Variants in PDE8B observed in about 807,000 individuals in gnomAD.
The protein encoded by PDE8B is phosphodiesterase 8B, also known as high affinity cAMP-specific and IBMX-insensitive 3',5'-cyclic phosphodiesterase 8B.
A neutral mutation model predicts 101.3 loss-of-function variants in PDE8B; 26 were observed. The observed-to-expected ratio is 0.26, with a 90% CI of 0.19 to 0.36. The LOEUF (loss-of-function observed/expected upper bound fraction) is 0.36, where lower values mean the gene tolerates loss of function less well. PDE8B is among the 10% of genes least tolerant of loss of function. The pLI, the probability that PDE8B is intolerant of heterozygous loss-of-function variation, is 1.00. For missense variants in PDE8B, 810 were observed against 1,163.1 expected, an observed-to-expected ratio of 0.70 and a Z score of 4.42; for synonymous variants, 424 against 429.3, an observed-to-expected ratio of 0.99 and a Z score of 0.15.
chr5:77,197,738 T>G, the PDE8B span, among the ~76,000 whole-genome samples: 1 of 152,284 alleles, frequency 6.6e-6, no homozygotes, highest in South Asian at 2.1e-4. Flanking sequence ...AGCATGTCTT[T>G]GAGTTCACTG....
chr5:77,385,489 T>C (rs1788366425), intron 10 of PDE8B, among the ~76,000 whole-genome samples: 1 of 152,008 alleles, frequency 6.6e-6, no homozygotes, highest in Non-Finnish European at 1.5e-5. Context: ...AATTCTGCTC[T>C]GATCTTAGTT....
chr5:77,160,725 A>C, the PDE8B span, among the ~76,000 whole-genome samples: 3 of 152,132 alleles, frequency 2.0e-5, no homozygotes, highest in African/African-American at 7.2e-5. Flanking sequence ...ATTATGGCTC[A>C]CTGCAGCCTC....
At chr5:77,368,820 C>T (rs1343778056) in intron 10 of PDE8B, among the ~76,000 whole-genome samples, 2 of 152,162 alleles carry the variant, frequency 1.3e-5, no homozygotes, top group African/African-American at 2.4e-5. Flanking sequence ...TTCTATTCTA[C>T]TCTTATTAAG....
chr5:77,321,754 A>G (rs1775128529), intron 2 of PDE8B, among the ~76,000 whole-genome samples: 1 of 152,188 alleles, frequency 6.6e-6, no homozygotes, highest in Non-Finnish European at 1.5e-5. Flanking sequence ...GTCTTTCTAA[A>G]TTTTTTATAA....
At chr5:77,373,336 G>C (rs1785412284) in intron 10 of PDE8B, among the ~76,000 whole-genome samples, 1 of 152,054 alleles carries the variant, frequency 6.6e-6, no homozygotes, top group Non-Finnish European at 1.5e-5. Context: ...TTTCATTGAG[G>C]AATAACTGAC....
chr5:77,217,093 G>A (rs1328600165), intron 1 of PDE8B, among the ~76,000 whole-genome samples: 1 of 152,150 alleles, frequency 6.6e-6, no homozygotes, highest in Non-Finnish European at 1.5e-5. Flanking sequence ...AGTTATCTTG[G>A]TTGGAGACCT....
intron 1 of PDE8B, among the ~76,000 whole-genome samples, chr5:77,261,931 C>T: frequency 6.6e-6 from 1 of 152,180 alleles, no homozygotes; most frequent in East Asian, 1.9e-4. Flanking sequence ...GGCCATCCCT[C>T]TGTAGGTTGC....
chr5:77,116,222 A>ATTTT, the PDE8B span, among the ~76,000 whole-genome samples: 5 of 92,792 alleles, frequency 5.4e-5, no homozygotes, highest in African/African-American at 1.5e-4. Context: ...ATATATATAT[A>ATTTT]TATTTTTTTT....
chr5:77,268,156 G>A (rs1762110164), intron 1 of PDE8B, among the ~76,000 whole-genome samples: 1 of 151,830 alleles, frequency 6.6e-6, no homozygotes, highest in South Asian at 2.1e-4. Flanking sequence ...ATTTGTTTTT[G>A]TATTCTCAGT....
At chr5:77,372,902 G>A (rs1381685286) in intron 10 of PDE8B, among the ~76,000 whole-genome samples, 4 of 152,086 alleles carry the variant, frequency 2.6e-5, no homozygotes, top group East Asian at 1.9e-4. Flanking sequence ...GCGGCGTGCC[G>A]CTATAATCCC....
the PDE8B span, among the ~76,000 whole-genome samples, chr5:77,172,374 T>G: frequency 6.6e-6 from 1 of 152,212 alleles, no homozygotes; most frequent in East Asian, 1.9e-4. Context: ...ACAGGATAAG[T>G]CAAAGTTGGG....
At chr5:77,390,891 A>G (rs1789769025) in intron 10 of PDE8B, among the ~76,000 whole-genome samples, 1 of 152,150 alleles carries the variant, frequency 6.6e-6, no homozygotes, top group African/African-American at 2.4e-5. Context: ...TAACCTCTTA[A>G]ACCTCAGCTT....
At chr5:77,404,651 CAT>C (rs1294582576) in intron 11 of PDE8B, 67 bp from the exon 12 acceptor site, 1 of 918,948 alleles carries the variant, frequency 1.1e-6, no homozygotes, top group Non-Finnish European at 1.8e-6. Context: ...AAAGAAAAAA[CAT>C]GTTTGAATCT....
chr5:77,260,112 A>T (rs1458496141), intron 1 of PDE8B, among the ~76,000 whole-genome samples: 1 of 145,872 alleles, frequency 6.9e-6, no homozygotes, highest in African/African-American at 2.5e-5. Context: ...AGCAAACATC[A>T]CGCCATTGTG....
At chr5:77,260,605 G>A (rs1373381253) in intron 1 of PDE8B, among the ~76,000 whole-genome samples, 7 of 28,290 alleles carry the variant, frequency 2.5e-4, no homozygotes, top group African/African-American at 1.0e-3. Flanking sequence ...TTTTTTTTTT[G>A]GAGACAGAGT....
the PDE8B span, among the ~76,000 whole-genome samples, chr5:77,195,197 G>GC: frequency 1.3e-5 from 2 of 152,220 alleles, no homozygotes; most frequent in African/African-American, 4.8e-5. Context: ...GGAAACACAT[G>GC]CCCTCACATG....
the PDE8B span, among the ~76,000 whole-genome samples, chr5:77,121,989 A>G: frequency 6.6e-6 from 1 of 152,242 alleles, no homozygotes; most frequent in Non-Finnish European, 1.5e-5. Flanking sequence ...CACTAAATAC[A>G]GGAAGGTGAA....
intron 1 of PDE8B, among the ~76,000 whole-genome samples, chr5:77,251,884 A>G (rs1758135747): frequency 6.6e-6 from 1 of 152,168 alleles, no homozygotes. Context: ...TCCTCTTCTC[A>G]TAGTTTCCAA....
intron 1 of PDE8B, among the ~76,000 whole-genome samples, chr5:77,251,468 G>A (rs1209482189): frequency 6.6e-6 from 1 of 152,232 alleles, no homozygotes; most frequent in East Asian, 1.9e-4. Flanking sequence ...TTAAAGCAGA[G>A]AAGGTCTCTT....
Sources: allele counts gnomAD v4.1 joint callset (sites outside exome capture counted in the v4.1 genomes callset), GRCh38; gene constraint gnomAD v4.1.1; transcripts MANE v1.5; gene names NCBI Gene and HGNC (gene_info 2026-07-23, HGNC 2026-07-21).